The following SEMA5A variants were observed in gnomAD, a reference collection of about 807,000 sequenced individuals.
SEMA5A encodes semaphorin 5A, also known as semaphorin-5A.
In SEMA5A, 55 loss-of-function variants were observed where a neutral mutation model predicts 135.5. The observed-to-expected ratio is 0.41, with a 90% CI of 0.33 to 0.51. The LOEUF (loss-of-function observed/expected upper bound fraction) is 0.51. Ranked by LOEUF, SEMA5A falls within the 20% of genes least tolerant of loss-of-function variation. The probability of loss-of-function intolerance (pLI) is 0.37; values close to 1 mark genes in which losing one functional copy is unlikely to be tolerated. For missense variants in SEMA5A, 1,290 were observed against 1,419.9 expected (o/e 0.91, Z 1.47); for synonymous variants, 580 against 546.5 (o/e 1.06, Z -0.85).
intron 3 of SEMA5A, among the ~76,000 whole-genome samples, chr5:9,356,211 T>A (rs553529010): frequency 6.6e-6 from 1 of 152,294 alleles, no homozygotes; most frequent in Non-Finnish European, 1.5e-5. Context: ...TTGGTTATGA[T>A]TAGATGGTTT....
In SEMA5A at chr5:9,176,841, A is replaced by G. The variant is rs1160826336; in HGVS notation, c.1273+13426T>C. ...ACATTCAGGATAATGGTGATCTGGT[A>G]TTCAGGTCAGACTCTCCCTCTCAGG... is the stretch of plus-strand genomic sequence containing the variant. On this transcript the variant is annotated intron_variant, in intron 11 of 22. Transcript: ENST00000382496. Among the ~76,000 whole-genome samples, 5 of 152,234 alleles carry G rather than the reference A, an allele frequency of 3.3e-5. No individual in the cohort carries two copies. The South Asian group carries it at 1.0e-3, about 31-fold the overall frequency.
chr5:9,215,896 T>A (rs1486753137), intron 8 of SEMA5A, among the ~76,000 whole-genome samples: 1 of 152,180 alleles, frequency 6.6e-6, no homozygotes, highest in African/African-American at 2.4e-5. Flanking sequence ...TTCCTTCAGT[T>A]CAGCTCTGAT....
chr5:9,545,252 G>A lies in SEMA5A; in HGVS notation c.-175+332C>T, dbSNP rs1738324288. On this transcript the variant is annotated intron_variant, in intron 1 of 22. Transcript: ENST00000382496. This position sits in a 1 kb window ranked among gnomAD's most constrained non-coding sequence, Gnocchi z 4.5. ...GCCGGGGGCGGGCACAGACCAGTGT[G>A]CGCACCTTTCCGGGTGTTGGGCAGG... Among the ~76,000 whole-genome samples, 1 of 152,138 alleles carries A rather than the reference G, an allele frequency of 6.6e-6. No individual in the cohort carries two copies.
chr5:9,369,662 T>C (rs946107560), intron 3 of SEMA5A, among the ~76,000 whole-genome samples: 3 of 152,172 alleles, frequency 2.0e-5, no homozygotes, highest in African/African-American at 7.2e-5. Context: ...TATGTATATG[T>C]GGGCCTATTT....
In SEMA5A at chr5:9,101,129, C is replaced by T. The variant is rs533475589; in HGVS notation, c.2073+7011G>A. Among the ~76,000 whole-genome samples the T allele has an allele frequency of 2.6e-5, 4 of 152,342 alleles. No homozygotes were observed. In the East Asian group the frequency reaches 5.8e-4, roughly 22 times the overall value. On this transcript the variant is annotated intron_variant, in intron 16 of 22. Coordinates refer to ENST00000382496, the MANE Select transcript of SEMA5A (RefSeq NM_003966.3). The stretch of plus-strand genomic sequence containing the variant: ...TTTTCGGTTTTTAGTTAGAACCATT[C>T]ACTTTATCGAATCTCATATAGGTCA...
At chr5:9,077,130 C>T (rs147983140) in intron 16 of SEMA5A, among the ~76,000 whole-genome samples, 117 of 152,186 alleles carry the variant, frequency 7.7e-4, no homozygotes, top group African/African-American at 2.8e-3. Context: ...CAATCCTCTG[C>T]AAAACATCTT....
intron 11 of SEMA5A, among the ~76,000 whole-genome samples, chr5:9,158,718 G>GTT (rs1743087759): frequency 6.6e-6 from 1 of 152,122 alleles, no homozygotes. Flanking sequence ...TCTATTTATA[G>GTT]TTTCTCTCTC....
intron 13 of SEMA5A, among the ~76,000 whole-genome samples, chr5:9,133,784 C>CCTT (rs70943939): frequency 1.4e-5 from 2 of 142,844 alleles, no homozygotes; most frequent in Non-Finnish European, 3.0e-5. Context: ...TTCTTTCTTT[C>CCTT]TTTTTTTTTT....
Position 9,437,834 on chromosome 5 carries a change from C to A in SEMA5A, c.-156G>T, listed in dbSNP as rs1417402633. On this transcript the variant is annotated 5_prime_UTR_variant, in exon 2 of 23. Transcript: ENST00000382496. Reference sequence around the variant, plus strand: ...CCACAGCCACGTGGGCACTCCAGCCCAAGTCTCACACACCAACACTTCAAA... The same window carrying A: ...CCACAGCCACGTGGGCACTCCAGCCAAAGTCTCACACACCAACACTTCAAA... 6.6e-6 allele frequency: 1 copy of A among 152,476 alleles called. No homozygotes were observed. The highest frequency in any genetic ancestry group is 1.5e-5 in the Non-Finnish European group (1 of 68,050). The allele number at this position is 152,476 out of a possible 1,614,324, so 9.4% of individuals were successfully genotyped here.
At chr5:9,222,294 G>C (rs1049324836) in intron 8 of SEMA5A, among the ~76,000 whole-genome samples, 1 of 152,118 alleles carries the variant, frequency 6.6e-6, no homozygotes, top group Admixed American at 6.6e-5. Flanking sequence ...TCAGAGAAGC[G>C]AATCAGGGTC....
intron 5 of SEMA5A, among the ~76,000 whole-genome samples, chr5:9,242,090 C>T (rs181942734): frequency 2.0e-5 from 3 of 152,266 alleles, no homozygotes; most frequent in East Asian, 3.9e-4. Context: ...TTCTGCGATG[C>T]GCTGGGAAAT....
intron 15 of SEMA5A, among the ~76,000 whole-genome samples, chr5:9,114,409 A>T (rs769132946): frequency 7.9e-5 from 12 of 152,230 alleles, no homozygotes; most frequent in Non-Finnish European, 1.5e-4. Flanking sequence ...GTGAATGTCA[A>T]TAATGTCACT....
At chr5:9,450,286 C>T (rs1052873101) in intron 1 of SEMA5A, among the ~76,000 whole-genome samples, 2 of 152,284 alleles carry the variant, frequency 1.3e-5, no homozygotes, top group African/African-American at 4.8e-5. Context: ...AAAATAGCTT[C>T]CCCTTAGAAA....
intron 1 of SEMA5A, among the ~76,000 whole-genome samples, chr5:9,522,211 C>T (rs1317763866): frequency 6.6e-6 from 1 of 152,132 alleles, no homozygotes. Flanking sequence ...AATAAATAAT[C>T]TCATACCTTG....
intron 1 of SEMA5A, among the ~76,000 whole-genome samples, chr5:9,543,690 G>T (rs1259154932): frequency 6.6e-6 from 1 of 152,130 alleles, no homozygotes; most frequent in Non-Finnish European, 1.5e-5. Context: ...ACTTCAATGA[G>T]TATACAGATG....
In SEMA5A at chr5:9,204,836, G is replaced by A. The variant is rs545134800; in HGVS notation, c.647-2596C>T. Among the ~76,000 whole-genome samples, 42 of 152,280 alleles carry A rather than the reference G, an allele frequency of 2.8e-4. No homozygotes were observed. Among genetic ancestry groups the A allele is most frequent in the South Asian group, 1.0e-3 (5 of 4,820 alleles). On this transcript the variant is annotated intron_variant, in intron 8 of 22. Coordinates refer to ENST00000382496, the MANE Select transcript of SEMA5A (RefSeq NM_003966.3). The surrounding 1 kb of genome is among the most constrained non-coding windows in gnomAD (Gnocchi z 6.4). ...TGTTACCTCCTGAGCTCCGCCTCCC[G>A]TCAGATCAGTGGCAGCATTAAATTC...
chr5:9,236,802 T>A (rs1458876157), intron 6 of SEMA5A, among the ~76,000 whole-genome samples: 1 of 152,194 alleles, frequency 6.6e-6, no homozygotes. Flanking sequence ...CTCTTCTTCC[T>A]ACTCCTTTAT....
intron 1 of SEMA5A, chr5:9,522,857 C>T (rs1237502264): frequency 3.3e-5 from 5 of 152,180 alleles, no homozygotes; most frequent in Non-Finnish European, 5.9e-5. Flanking sequence ...TGCACACAGC[C>T]TTTTATGCAC....
chr5:9,059,291 A>C (rs978777798), intron 18 of SEMA5A, among the ~76,000 whole-genome samples: 4 of 152,148 alleles, frequency 2.6e-5, no homozygotes, highest in African/African-American at 9.7e-5. Flanking sequence ...TTTGTAGGTC[A>C]AAGTCTGGAG....
Sources: gnomAD v4.1 joint callset for allele counts (sites outside exome capture counted in the v4.1 genomes callset) on GRCh38, gnomAD v4.1.1 for gene constraint, Gnocchi (gnomAD v3.1) non-coding constraint, MANE v1.5 for transcripts, NCBI Gene and HGNC (gene_info 2026-07-23, HGNC 2026-07-21) for gene names.